The following AUTS2 variants were observed in gnomAD, a reference collection of about 807,000 sequenced individuals.
AUTS2 encodes autism susceptibility gene 2 protein.
AUTS2 carries 17 observed loss-of-function variants against 112.4 expected under a neutral mutation model. The observed-to-expected ratio is 0.15, with a 90% CI of 0.10 to 0.23. The LOEUF is 0.23. AUTS2 is among the 10% of genes least tolerant of loss of function. AUTS2 has a pLI of 1.00. For synonymous variants in AUTS2, 751 were observed against 702.7 expected (o/e 1.07, Z -1.09); for missense variants, 1,510 against 1,701.6 (o/e 0.89, Z 1.98).
At chr7:70,182,534 A>G (rs1809372836) in intron 4 of AUTS2, among the ~76,000 whole-genome samples, 2 of 152,218 alleles carry the variant, frequency 1.3e-5, no homozygotes, top group Non-Finnish European at 2.9e-5. Flanking sequence ...ATAATTTATA[A>G]TCAAATCGAA....
intron 4 of AUTS2, among the ~76,000 whole-genome samples, chr7:70,203,344 T>TAAAAAA (rs1229996091): frequency 1.4e-4 from 16 of 110,414 alleles, no homozygotes; most frequent in Middle Eastern, 5.4e-3. Flanking sequence ...TAGAGTATAA[T>TAAAAAA]AAAAAAAAAA....
At chr7:70,501,048 A>G (rs1400156303) in intron 5 of AUTS2, among the ~76,000 whole-genome samples, 1 of 152,194 alleles carries the variant, frequency 6.6e-6, no homozygotes, top group East Asian at 1.9e-4. Context: ...CAAAGTATGC[A>G]TGAAGGACAA....
intron 2 of AUTS2, among the ~76,000 whole-genome samples, chr7:70,055,753 T>C (rs1475368296): frequency 1.3e-5 from 2 of 152,310 alleles, no homozygotes; most frequent in African/African-American, 4.8e-5. Context: ...CCTCTAAGTT[T>C]CCCCAATGTC....
intron 5 of AUTS2, among the ~76,000 whole-genome samples, chr7:70,648,700 G>A (rs570951395): frequency 6.6e-6 from 1 of 152,250 alleles, no homozygotes; most frequent in South Asian, 2.1e-4. Context: ...TCCTGTCTCA[G>A]CCTCCCAAGT....
At chr7:70,616,469 C>T (rs1255549460) in intron 5 of AUTS2, among the ~76,000 whole-genome samples, 1 of 152,272 alleles carries the variant, frequency 6.6e-6, no homozygotes, top group Non-Finnish European at 1.5e-5. Context: ...TGCAGCTGCC[C>T]GGTGACACCA....
rs576927728 is a variant in AUTS2 at position 70,242,466 on chromosome 7, G to C, written c.660+107895G>C. Among the ~76,000 whole-genome samples the C allele has an allele frequency of 3.3e-5, 5 of 151,960 alleles. 1 individual carries two copies. The highest frequency in any genetic ancestry group is 7.4e-5 in the Non-Finnish European group (5 of 67,998). On this transcript the variant is annotated intron_variant, in intron 4 of 18. Coordinates refer to ENST00000342771, the MANE Select transcript of AUTS2 (RefSeq NM_015570.4). ...TTATATTGGTCTGTATTCTACTTTT[G>C]GGTGTTATACAAATCAGAAAACATT...
intron 5 of AUTS2, among the ~76,000 whole-genome samples, chr7:70,673,308 C>T (rs1323580242): frequency 6.6e-6 from 1 of 152,124 alleles, no homozygotes; most frequent in Non-Finnish European, 1.5e-5. Flanking sequence ...ATTGGTGAAA[C>T]TCTAGTACTG....
intron 1 of AUTS2, among the ~76,000 whole-genome samples, chr7:69,648,822 T>C (rs933383854): frequency 3.3e-5 from 5 of 152,174 alleles, no homozygotes; most frequent in African/African-American, 1.2e-4. Context: ...CCAGATAGGT[T>C]TAAGTTTGCA....
intron 2 of AUTS2, among the ~76,000 whole-genome samples, chr7:69,992,082 G>T (rs1008094980): frequency 2.6e-5 from 4 of 152,196 alleles, no homozygotes; most frequent in Non-Finnish European, 5.9e-5. Flanking sequence ...ATATTAGTCA[G>T]TTGGGCATAT....
In AUTS2 at chr7:70,198,405, A is replaced by G. The variant is rs1043522178; in HGVS notation, c.660+63834A>G. Among the ~76,000 whole-genome samples the G allele has an allele frequency of 7.8e-3, 1,176 of 151,186 alleles. 8 individuals are homozygous for G. Among genetic ancestry groups the G allele is most frequent in the Non-Finnish European group, 0.014 (914 of 67,230 alleles). ...ATCAAATTACTCTGAGCTACGGGAT[A>G]ACATTCAAACCAAAGGCAAAGAAGT... On this transcript the variant is annotated intron_variant, in intron 4 of 18. Transcript: ENST00000342771.
intron 6 of AUTS2, among the ~76,000 whole-genome samples, chr7:70,716,461 A>G (rs953764500): frequency 6.6e-6 from 1 of 151,950 alleles, no homozygotes; most frequent in Non-Finnish European, 1.5e-5. Context: ...GTGAAACCCC[A>G]TCTCTACTAA....
At chr7:70,383,171 T>C (rs1018134066) in intron 4 of AUTS2, among the ~76,000 whole-genome samples, 7 of 152,100 alleles carry the variant, frequency 4.6e-5, no homozygotes, top group African/African-American at 1.7e-4. Context: ...TTTTTTTAGC[T>C]TGTGTTCCTC....
intron 2 of AUTS2, among the ~76,000 whole-genome samples, chr7:69,942,198 T>G: frequency 6.6e-6 from 1 of 152,180 alleles, no homozygotes; most frequent in East Asian, 1.9e-4. Context: ...CACTTAAATA[T>G]CAGGTCCTTG....
At chr7:70,519,182 G>A (rs1000196357) in intron 5 of AUTS2, among the ~76,000 whole-genome samples, 2 of 152,140 alleles carry the variant, frequency 1.3e-5, no homozygotes, top group African/African-American at 4.8e-5. Flanking sequence ...AGAAATGGTG[G>A]CATCAACACG....
intron 4 of AUTS2, among the ~76,000 whole-genome samples, chr7:70,315,969 C>T (rs952376469): frequency 6.6e-6 from 1 of 152,156 alleles, no homozygotes; most frequent in African/African-American, 2.4e-5. Flanking sequence ...ACTTTCCAAT[C>T]CCTTATTAAC....
chr7:69,820,076 G>C (rs1310205373), intron 1 of AUTS2, among the ~76,000 whole-genome samples: 4 of 152,108 alleles, frequency 2.6e-5, no homozygotes, highest in Non-Finnish European at 4.4e-5. Context: ...GCTTCCCTCT[G>C]CCCTTCTTCA....
chr7:70,464,716 C>T (rs188349741), intron 5 of AUTS2, among the ~76,000 whole-genome samples: 8 of 152,062 alleles, frequency 5.3e-5, no homozygotes, highest in Admixed American at 6.6e-5. Context: ...GTAATCAGCA[C>T]GGTTTTGTGG....
intron 4 of AUTS2, among the ~76,000 whole-genome samples, chr7:70,392,994 A>G (rs561204717): frequency 7.0e-4 from 107 of 152,374 alleles, no homozygotes; most frequent in Non-Finnish European, 1.1e-3. Context: ...CTGGAAGCTC[A>G]GCTCTTACTG....
intron 4 of AUTS2, among the ~76,000 whole-genome samples, chr7:70,410,398 T>TTTTATTCA (rs1554394750): frequency 4.0e-4 from 56 of 140,828 alleles, no homozygotes; most frequent in African/African-American, 1.4e-3. Flanking sequence ...AGGGTTTGTC[T>TTTTATTCA]TTTATTTATT....
Sources: allele counts gnomAD v4.1 joint callset (sites outside exome capture counted in the v4.1 genomes callset), GRCh38; gene constraint gnomAD v4.1.1; transcripts MANE v1.5; gene names NCBI Gene and HGNC (gene_info 2026-07-23, HGNC 2026-07-21).